The following CERKL variants were observed in gnomAD, a reference collection of about 807,000 sequenced individuals.
The protein encoded by CERKL is CERK like autophagy regulator, also known as ceramide kinase-like protein.
Under a neutral mutation model 63.4 loss-of-function variants are expected in CERKL, and 61 were observed. The ratio of observed to expected loss-of-function variants is 0.96; its 90% CI spans 0.78 to 1.19. The LOEUF (loss-of-function observed/expected upper bound fraction) is 1.19. Ranked by LOEUF, CERKL falls within the 50% of genes most tolerant of loss-of-function variation. The pLI, the probability that CERKL is intolerant of heterozygous loss-of-function variation, is 0.00. For missense variants in CERKL, 675 were observed against 655.5 expected, an observed-to-expected ratio of 1.03 and a Z score of -0.33; for synonymous variants, 250 against 230.5, an observed-to-expected ratio of 1.08 and a Z score of -0.77.
chr2:181,564,196 C>T (rs1688567955), intron 4 of CERKL, among the ~76,000 whole-genome samples: 1 of 152,130 alleles, frequency 6.6e-6, no homozygotes, highest in Non-Finnish European at 1.5e-5. Context: ...GATCCCTCTC[C>T]TGCCACTCAC....
At chr2:181,573,494 C>A (rs1688995296) in intron 3 of CERKL, among the ~76,000 whole-genome samples, 1 of 151,776 alleles carries the variant, frequency 6.6e-6, no homozygotes, top group South Asian at 2.1e-4. Flanking sequence ...ATACAGCTTC[C>A]TTTGTAATTA....
intron 2 of CERKL, among the ~76,000 whole-genome samples, chr2:181,601,245 A>G (rs1345512202): frequency 6.6e-6 from 1 of 152,176 alleles, no homozygotes; most frequent in Non-Finnish European, 1.5e-5. Flanking sequence ...TAAAGAAAAA[A>G]CTTCTTGAGA....
At chr2:181,633,709 T>C (rs992845323) in intron 1 of CERKL, among the ~76,000 whole-genome samples, 10 of 152,156 alleles carry the variant, frequency 6.6e-5, no homozygotes, top group Non-Finnish European at 1.5e-4. Flanking sequence ...TCAGTCAAGA[T>C]CATGAAAAGC....
chr2:181,562,785 A>G (rs971541287), intron 4 of CERKL, among the ~76,000 whole-genome samples: 2 of 152,138 alleles, frequency 1.3e-5, no homozygotes, highest in African/African-American at 2.4e-5. Context: ...TCATCTATGA[A>G]ATGTTCAATA....
intron 10 of CERKL, among the ~76,000 whole-genome samples, chr2:181,546,719 G>A (rs13034078): frequency 0.58 from 88,790 of 152,014 alleles, 26,189 homozygotes; most frequent in South Asian, 0.83. Context: ...TAAGAAGAAT[G>A]TGCAAGAGAA....
chr2:181,652,682 C>A (rs1307429024), intron 1 of CERKL, among the ~76,000 whole-genome samples: 1 of 151,624 alleles, frequency 6.6e-6, no homozygotes, highest in African/African-American at 2.4e-5. Flanking sequence ...AAAACAGCTG[C>A]AGAATGGGAG....
At chr2:181,544,053 A>G (rs1352288011) in intron 11 of CERKL, among the ~76,000 whole-genome samples, 1 of 151,984 alleles carries the variant, frequency 6.6e-6, no homozygotes, top group East Asian at 1.9e-4. Flanking sequence ...ATACCTATGT[A>G]CTTCAAAGAC....
chr2:181,548,329 C>G (rs1574436489), intron 8 of CERKL: 1 of 571,876 alleles, frequency 1.7e-6, no homozygotes, highest in Non-Finnish European at 3.1e-6. Flanking sequence ...GAGGGAGAGA[C>G]AGGGGGAAGG....
intron 1 of CERKL, among the ~76,000 whole-genome samples, chr2:181,631,946 AAAG>A (rs1485203787): frequency 1.3e-5 from 2 of 152,250 alleles, no homozygotes; most frequent in Non-Finnish European, 2.9e-5. Context: ...CATTTATCTG[AAAG>A]AAGAAAATAT....
At chr2:181,577,241 TGA>T (rs1257539739) in intron 2 of CERKL, among the ~76,000 whole-genome samples, 3 of 151,402 alleles carry the variant, frequency 2.0e-5, no homozygotes, top group South Asian at 2.1e-4. Context: ...TCAGAGAGAG[TGA>T]GAGTAAGATA....
intron 1 of CERKL, chr2:181,617,186 A>T (rs1021368594): frequency 1.4e-4 from 21 of 152,192 alleles, no homozygotes; most frequent in Non-Finnish European, 2.1e-4. Flanking sequence ...ACTTATTTTT[A>T]AAAAAATCTC....
intron 1 of CERKL, among the ~76,000 whole-genome samples, chr2:181,615,657 T>G (rs1686159764): frequency 6.6e-6 from 1 of 152,358 alleles, no homozygotes; most frequent in Middle Eastern, 3.4e-3. Flanking sequence ...TCTAATCCCC[T>G]AATTAAAAAT....
At chr2:181,540,718 G>A (rs2887192) in intron 11 of CERKL, among the ~76,000 whole-genome samples, 36,227 of 152,124 alleles carry the variant, frequency 0.24, 5,063 homozygotes, top group Non-Finnish European at 0.32. Context: ...AGCCACAGAC[G>A]CTGTTAAGTG....
At chr2:181,552,413 T>C (rs1470682479) in intron 5 of CERKL, among the ~76,000 whole-genome samples, 1 of 152,138 alleles carries the variant, frequency 6.6e-6, no homozygotes. Flanking sequence ...CTGATGGTTT[T>C]ATAAGGGACT....
chr2:181,582,460 C>G (rs1412054599), intron 2 of CERKL, among the ~76,000 whole-genome samples: 2 of 151,326 alleles, frequency 1.3e-5, no homozygotes, highest in East Asian at 1.9e-4. Flanking sequence ...GTATAAAATG[C>G]CTTTCTACCT....
In CERKL at chr2:181,635,541, C is replaced by G. The variant is rs1369034198; in HGVS notation, c.238+21228G>C. 2.0e-5 allele frequency among the ~76,000 whole-genome samples: 3 copies of G among 152,208 alleles called. No homozygotes were observed. The East Asian group carries it at 5.8e-4, about 29-fold the overall frequency. On this transcript the variant is annotated intron_variant, in intron 1 of 12. Transcript: ENST00000410087. ...ATGATGAAAACCACAACAAAACATA[C>G]TGTCATCCCTTTACACCTTCAAAAC...
At chr2:181,577,648 G>A (rs905648285) in intron 2 of CERKL, among the ~76,000 whole-genome samples, 8 of 152,168 alleles carry the variant, frequency 5.3e-5, no homozygotes, top group African/African-American at 1.9e-4. Flanking sequence ...CTGGAGTTGA[G>A]GAGGGTTGGG....
At chr2:181,582,536 T>TA (rs1684563985) in intron 2 of CERKL, among the ~76,000 whole-genome samples, 3 of 145,746 alleles carry the variant, frequency 2.1e-5, no homozygotes, top group African/African-American at 7.8e-5. Context: ...TATATATATA[T>TA]GTTTTTTTTT....
chr2:181,636,658 C>G (rs1203802466), intron 1 of CERKL, among the ~76,000 whole-genome samples: 2 of 152,102 alleles, frequency 1.3e-5, no homozygotes, highest in East Asian at 3.8e-4. Flanking sequence ...GCCAAAGCAT[C>G]CTTTTCTGGA....
Sources: allele counts gnomAD v4.1 joint callset (sites outside exome capture counted in the v4.1 genomes callset), GRCh38; gene constraint gnomAD v4.1.1; transcripts MANE v1.5; gene names NCBI Gene and HGNC (gene_info 2026-07-23, HGNC 2026-07-21).